SGCG: variants seen among roughly 807,000 people sequenced by gnomAD.
The protein encoded by SGCG is sarcoglycan gamma.
Under a neutral mutation model 29.3 loss-of-function variants are expected in SGCG, and 26 were observed. The observed-to-expected ratio is 0.89, with a 90% CI of 0.65 to 1.23. SGCG has a LOEUF of 1.23. SGCG is among the 50% of genes most tolerant of loss of function. The probability of loss-of-function intolerance (pLI) is 0.00; values close to 1 mark genes in which losing one functional copy is unlikely to be tolerated. For synonymous variants in SGCG, 145 were observed against 129.7 expected, an observed-to-expected ratio of 1.12 and a Z score of -0.80; for missense variants, 353 against 356.0, an observed-to-expected ratio of 0.99 and a Z score of 0.07.
intron 2 of SGCG, 122 bp downstream of exon 2, chr13:23,204,011 G>C (rs1451358481): frequency 5.1e-6 from 4 of 777,094 alleles, no homozygotes; most frequent in African/African-American, 1.7e-5. Flanking sequence ...GTCTGGCTCT[G>C]AATTTCAGGA....
chr13:23,197,865 A>G (rs1298830736), intron 1 of SGCG, among the ~76,000 whole-genome samples: 1 of 152,250 alleles, frequency 6.6e-6, no homozygotes, highest in African/African-American at 2.4e-5. Flanking sequence ...ACTCATGAAC[A>G]GAATAAATTA....
At chr13:23,290,409 C>T (rs763349857) in intron 5 of SGCG, among the ~76,000 whole-genome samples, 5 of 152,074 alleles carry the variant, frequency 3.3e-5, no homozygotes, top group Admixed American at 1.3e-4. Flanking sequence ...ACAGACAATG[C>T]GGTGGGAGGG....
the SGCG span, among the ~76,000 whole-genome samples, chr13:23,168,973 A>G: frequency 6.6e-6 from 1 of 152,024 alleles, no homozygotes; most frequent in South Asian, 2.1e-4. Context: ...TCTTATAATC[A>G]TCATTCTTAG....
At chr13:23,273,603 C>G (rs1329013181) in intron 4 of SGCG, among the ~76,000 whole-genome samples, 1 of 152,134 alleles carries the variant, frequency 6.6e-6, no homozygotes, top group Non-Finnish European at 1.5e-5. Context: ...TTCCTTAATT[C>G]TGTAATTTCT....
At chr13:23,168,774 A>T in the SGCG span, among the ~76,000 whole-genome samples, 1 of 152,214 alleles carries the variant, frequency 6.6e-6, no homozygotes, top group African/African-American at 2.4e-5. Flanking sequence ...AATTATCTAA[A>T]TAAGGCATGA....
intron 1 of SGCG, among the ~76,000 whole-genome samples, chr13:23,190,705 C>G (rs1282963310): frequency 6.6e-6 from 1 of 152,142 alleles, no homozygotes; most frequent in African/African-American, 2.4e-5. Context: ...AATTGACCCA[C>G]TATATTTACA....
chr13:23,317,121 G>A (rs1882845769), intron 6 of SGCG, among the ~76,000 whole-genome samples: 1 of 151,894 alleles, frequency 6.6e-6, no homozygotes, highest in Admixed American at 6.6e-5. Flanking sequence ...CGTGAACCCA[G>A]GAGGCAGAGC....
In SGCG at chr13:23,291,662, G is replaced by A. The variant is rs542488370; in HGVS notation, c.506-3753G>A. Among the ~76,000 whole-genome samples the A allele has an allele frequency of 1.1e-3, 172 of 152,188 alleles. 1 individual carries two copies. Among genetic ancestry groups the A allele is most frequent in the Non-Finnish European group, 1.8e-3 (125 of 68,008 alleles). On this transcript the variant is annotated intron_variant, in intron 5 of 7. Coordinates refer to ENST00000218867, the MANE Select transcript of SGCG (RefSeq NM_000231.3). ...TTATAGATTTTATATCTCCCTGTAA[G>A]TACATTACCATAATCATATGTCAAT...
In SGCG at chr13:23,253,454, G is replaced by A. The variant is rs142098607; in HGVS notation, c.385+2737G>A. Among the ~76,000 whole-genome samples, 14 of 152,198 alleles carry A rather than the reference G, an allele frequency of 9.2e-5. No individual in the cohort carries two copies. In the East Asian group the frequency reaches 1.2e-3, roughly 13 times the overall value. Reference sequence around the variant, plus strand: ...CTCACCAAATCCAAGGTTTTCTTCCGTACATGACTTCCCACAGTTGCAACC... The same window carrying A: ...CTCACCAAATCCAAGGTTTTCTTCCATACATGACTTCCCACAGTTGCAACC... On this transcript the variant is annotated intron_variant, in intron 4 of 7. Transcript: ENST00000218867.
At chr13:23,237,787 G>A (rs1879366450) in intron 3 of SGCG, among the ~76,000 whole-genome samples, 1 of 120,262 alleles carries the variant, frequency 8.3e-6, no homozygotes. Flanking sequence ...TTCATATGAT[G>A]AAATCTTCAT....
At chr13:23,278,387 G>T (rs12875241) in intron 4 of SGCG, among the ~76,000 whole-genome samples, 2 of 151,008 alleles carry the variant, frequency 1.3e-5, no homozygotes, top group African/African-American at 4.9e-5. Flanking sequence ...ACATTGCAGC[G>T]AGCGGAGATC....
intron 2 of SGCG, among the ~76,000 whole-genome samples, chr13:23,231,369 G>T: frequency 1.4e-5 from 2 of 147,994 alleles, no homozygotes. Context: ...TTTCCTGCAT[G>T]TTTTTCAAAT....
At chr13:23,264,577 C>T (rs563864837) in intron 4 of SGCG, among the ~76,000 whole-genome samples, 1 of 152,104 alleles carries the variant, frequency 6.6e-6, no homozygotes, top group East Asian at 1.9e-4. Flanking sequence ...GAAATATAAT[C>T]CTAAAATTCA....
chr13:23,311,498 C>T (rs1488463895), intron 6 of SGCG, among the ~76,000 whole-genome samples: 2 of 152,244 alleles, frequency 1.3e-5, no homozygotes, highest in African/African-American at 2.4e-5. Flanking sequence ...AGCGAGCTCC[C>T]TCCTTCCCCT....
intron 1 of SGCG, among the ~76,000 whole-genome samples, chr13:23,186,001 T>C (rs1876956964): frequency 6.6e-6 from 1 of 152,224 alleles, no homozygotes; most frequent in South Asian, 2.1e-4. Context: ...GGGGGAACAC[T>C]GAGGGAATAT....
At chr13:23,236,060 G>C (rs73435027) in intron 3 of SGCG, among the ~76,000 whole-genome samples, 1,737 of 152,278 alleles carry the variant, frequency 0.011, 28 homozygotes, top group African/African-American at 0.039. Flanking sequence ...ATTGGCAGTG[G>C]GAGCCAGAAG....
intron 2 of SGCG, among the ~76,000 whole-genome samples, chr13:23,215,922 T>A (rs1444530324): frequency 1.7e-4 from 24 of 143,180 alleles, no homozygotes; most frequent in Non-Finnish European, 4.7e-5. Flanking sequence ...GTTCAGTAGC[T>A]TACAAGACTA....
chr13:23,186,650 C>T (rs1386633292), intron 1 of SGCG, among the ~76,000 whole-genome samples: 1 of 152,160 alleles, frequency 6.6e-6, no homozygotes, highest in East Asian at 1.9e-4. Context: ...GAAGTATCCC[C>T]CATCCTCACA....
intron 1 of SGCG, among the ~76,000 whole-genome samples, chr13:23,187,455 G>A (rs1029654847): frequency 6.6e-6 from 1 of 152,158 alleles, no homozygotes; most frequent in Non-Finnish European, 1.5e-5. Context: ...ACACAGGTGC[G>A]CTGCCTGTAG....
Sources: allele counts gnomAD v4.1 joint callset (sites outside exome capture counted in the v4.1 genomes callset), GRCh38; gene constraint gnomAD v4.1.1; transcripts MANE v1.5; gene names NCBI Gene and HGNC (gene_info 2026-07-23, HGNC 2026-07-21).